The following SLC6A6 variants were observed in gnomAD, a reference collection of about 807,000 sequenced individuals.
SLC6A6 encodes the protein sodium- and chloride-dependent taurine transporter.
Under a neutral mutation model 68.8 loss-of-function variants are expected in SLC6A6, and 16 were observed. The observed-to-expected ratio is 0.23, with a 90% CI of 0.16 to 0.35. The LOEUF is 0.35. Ranked by LOEUF, SLC6A6 falls within the 10% of genes least tolerant of loss-of-function variation. The pLI is 1.00. For synonymous variants in SLC6A6, 312 were observed against 315.4 expected (o/e 0.99, Z 0.12); for missense variants, 474 against 802.8 (o/e 0.59, Z 4.95).
At position 14,477,125 on chromosome 3, in the gene SLC6A6, C is replaced by G; in HGVS notation, c.1210-80C>G. 7.3e-7 allele frequency: 1 copy of G among 1,367,010 alleles called. No homozygotes were observed. Among genetic ancestry groups the G allele is most frequent in the Non-Finnish European group, 1.0e-6 (1 of 972,796 alleles). 84.7% of individuals were successfully genotyped at this position (1,367,010 alleles called of 1,614,324 possible). The stretch of plus-strand genomic sequence containing the variant: ...ACGTCTGCTCCTGCATTGTGTGTTC[C>G]TGGGCCCTTCCCTCCGAGCAGCAGG... On this transcript the variant is annotated intron_variant, in intron 10 of 14. Transcript: ENST00000622186. The surrounding 1 kb of genome is among the most constrained non-coding windows in gnomAD (Gnocchi z 4.2).
chr3:14,425,309 T>C (rs1283537932), intron 2 of SLC6A6, among the ~76,000 whole-genome samples: 1 of 152,034 alleles, frequency 6.6e-6, no homozygotes, highest in African/African-American at 2.4e-5. Flanking sequence ...TGATGCAGCA[T>C]AGGCAAAGGG....
Position 14,477,307 on chromosome 3 carries a change from A to C in SLC6A6, c.1312A>C (p.Ile438Leu), listed in dbSNP as rs141131824. Residue 438 changes from isoleucine (I) to leucine (L), a missense_variant, in exon 11 of 15, where the codon ATC (isoleucine) becomes CTC (leucine). Transcript: ENST00000622186. The surrounding 1 kb of genome is among the most constrained non-coding windows in gnomAD (Gnocchi z 4.2). ...AATCTTCATCGCCTTCGTGTGTAGCATCAGCTACCTGCTGGGGCTGACGAT... is the reference window on the plus strand; with the variant it reads ...AATCTTCATCGCCTTCGTGTGTAGCCTCAGCTACCTGCTGGGGCTGACGAT... ...REIFIAFVCSISYLLGLTMVT... is the reference protein window; with the variant it reads ...REIFIAFVCSLSYLLGLTMVT... 2.0e-4 allele frequency: 317 copies of C among 1,613,820 alleles called. No homozygotes were observed. The highest frequency in any genetic ancestry group is 2.6e-4 in the Non-Finnish European group (304 of 1,179,792).
At chr3:14,474,516 C>A (rs1003411476) in intron 10 of SLC6A6, among the ~76,000 whole-genome samples, 1 of 152,168 alleles carries the variant, frequency 6.6e-6, no homozygotes, top group Non-Finnish European at 1.5e-5. Context: ...CCATTCAACA[C>A]TGACTCCTAA....
At chr3:14,443,982 A>G in intron 3 of SLC6A6, 119 bp downstream of exon 3, 1 of 689,898 alleles carries the variant, frequency 1.4e-6, no homozygotes, top group Non-Finnish European at 2.5e-6. Context: ...CCCCCCCTTG[A>G]CCTCCATGAG....
At position 14,477,913 on chromosome 3, in the gene SLC6A6, C is replaced by G. The variant is rs1339987939; in HGVS notation, c.1348-553C>G. On this transcript the variant is annotated intron_variant, in intron 11 of 14. Transcript: ENST00000622186. The surrounding 1 kb of genome is among the most constrained non-coding windows in gnomAD (Gnocchi z 4.2). ...ACGGGAACGTCTAAGACGTGTCTAG[C>G]AAGAGGCAAGCCAGATGAGATAAAG... 1.3e-5 allele frequency among the ~76,000 whole-genome samples: 2 copies of G among 152,106 alleles called. No individual in the cohort carries two copies. The highest frequency in any genetic ancestry group is 2.9e-5 in the Non-Finnish European group (2 of 68,012).
intron 1 of SLC6A6, among the ~76,000 whole-genome samples, chr3:14,412,588 TA>T (rs1220616492): frequency 6.6e-6 from 1 of 152,104 alleles, no homozygotes; most frequent in African/African-American, 2.4e-5. Context: ...ATGAGCCTGG[TA>T]GGCAGAGATT....
At chr3:14,449,704 A>C (rs190530649) in intron 5 of SLC6A6, among the ~76,000 whole-genome samples, 15 of 152,340 alleles carry the variant, frequency 9.8e-5, no homozygotes, top group Admixed American at 6.5e-4. Flanking sequence ...CCCTGACTGC[A>C]TGAGATCCTG....
chr3:14,417,538 T>C (rs182521746), intron 2 of SLC6A6, among the ~76,000 whole-genome samples: 1,597 of 152,248 alleles, frequency 0.01, 36 homozygotes, highest in African/African-American at 0.036. Context: ...GAGACCATCC[T>C]GGCTAACACG....
intron 9 of SLC6A6, among the ~76,000 whole-genome samples, chr3:14,469,176 G>T (rs920822676): frequency 6.6e-6 from 1 of 152,068 alleles, no homozygotes; most frequent in Non-Finnish European, 1.5e-5. Context: ...TACTTGGAGG[G>T]TGGTCATCAG....
intron 5 of SLC6A6, among the ~76,000 whole-genome samples, chr3:14,453,500 G>A (rs1212668743): frequency 6.6e-6 from 1 of 152,190 alleles, no homozygotes; most frequent in African/African-American, 2.4e-5. Flanking sequence ...GTGCATTCCT[G>A]AACTTGTCTC....
At chr3:14,423,087 G>A (rs967157530) in intron 2 of SLC6A6, among the ~76,000 whole-genome samples, 2 of 152,234 alleles carry the variant, frequency 1.3e-5, no homozygotes, top group Non-Finnish European at 2.9e-5. Context: ...AAGGTGGGAA[G>A]AGGTGGCATG....
At chr3:14,447,841 G>A in intron 5 of SLC6A6, 25 bp downstream of exon 5, 1 of 1,613,432 alleles carries the variant, frequency 6.2e-7, no homozygotes, top group Non-Finnish European at 8.5e-7. Context: ...TTGAAGCAAG[G>A]AGGAGGACAT....
intron 1 of SLC6A6, among the ~76,000 whole-genome samples, chr3:14,410,342 T>C (rs908400205): frequency 1.2e-4 from 18 of 152,308 alleles, no homozygotes; most frequent in Admixed American, 3.3e-4. Flanking sequence ...ATATTGTTCA[T>C]GACTCTCACA....
intron 2 of SLC6A6, among the ~76,000 whole-genome samples, chr3:14,440,057 A>G (rs546132269): frequency 3.0e-4 from 45 of 152,040 alleles, no homozygotes; most frequent in Non-Finnish European, 5.4e-4. Flanking sequence ...GTAAGAGGAG[A>G]TAGTCTCAAG....
chr3:14,479,035 T>A, intron 12 of SLC6A6, 50 bp from the exon 13 acceptor site: 1 of 1,213,010 alleles, frequency 8.2e-7, no homozygotes. Flanking sequence ...CCTGAGCTGC[T>A]GCTGGCCTTG....
chr3:14,477,474 C>G lies in SLC6A6; in HGVS notation c.1347+132C>G. On this transcript the variant is annotated intron_variant, in intron 11 of 14. Transcript: ENST00000622186. This position sits in a 1 kb window ranked among gnomAD's most constrained non-coding sequence, Gnocchi z 4.2. ...CCCAGCCCCACCCAATTCAGGGGTC[C>G]TGCTTGGACCAACACTGGGGGTAGC... 1.1e-6 allele frequency: 1 copy of G among 890,500 alleles called. No homozygotes were observed. The allele number at this position is 890,500 out of a possible 1,614,324, so 55.2% of individuals were successfully genotyped here. A position where few individuals can be genotyped will look rare whatever the true frequency, so the allele number is the denominator to read the frequency against.
chr3:14,422,540 T>C (rs1055856250), intron 2 of SLC6A6, among the ~76,000 whole-genome samples: 7 of 152,114 alleles, frequency 4.6e-5, no homozygotes, highest in African/African-American at 1.7e-4. Context: ...ACGTGCAGCA[T>C]AGGGCCGGTG....
At chr3:14,444,755 G>A (rs765519232) in intron 3 of SLC6A6, 1 of 456,584 alleles carries the variant, frequency 2.2e-6, no homozygotes, top group South Asian at 1.5e-5. Flanking sequence ...GCCCCTTTGG[G>A]ACTGTGATGA....
At chr3:14,484,758 C>CA in intron 14 of SLC6A6, 109 bp from the exon 15 acceptor site, 2 of 1,179,308 alleles carry the variant, frequency 1.7e-6, no homozygotes, top group Middle Eastern at 5.7e-4. Flanking sequence ...GTGAGTTTAC[C>CA]AAAAACCAAA....
Sources: allele counts gnomAD v4.1 joint callset (sites outside exome capture counted in the v4.1 genomes callset), GRCh38; gene constraint gnomAD v4.1.1; non-coding constraint Gnocchi (gnomAD v3.1); transcripts MANE v1.5; gene names NCBI Gene and HGNC (gene_info 2026-07-23, HGNC 2026-07-21).